Variants in ARHGEF3 observed in about 807,000 individuals in gnomAD.
ARHGEF3 encodes the protein Rho guanine nucleotide exchange factor 3.
In ARHGEF3, 28 loss-of-function variants were observed where a neutral mutation model predicts 63.2. The ratio of observed to expected loss-of-function variants is 0.44; its 90% confidence interval spans 0.33 to 0.61. The LOEUF (loss-of-function observed/expected upper bound fraction) is 0.61. Ranked by LOEUF, ARHGEF3 falls within the 20% of genes least tolerant of loss-of-function variation. ARHGEF3 has a pLI of 0.03. For missense variants in ARHGEF3, 533 were observed against 659.3 expected, an observed-to-expected ratio of 0.81 and a Z score of 2.10; for synonymous variants, 266 against 254.2, an observed-to-expected ratio of 1.05 and a Z score of -0.44.
intron 2 of ARHGEF3, among the ~76,000 whole-genome samples, chr3:56,985,589 G>A (rs1357996305): frequency 1.3e-5 from 2 of 152,210 alleles, no homozygotes; most frequent in East Asian, 3.9e-4. Flanking sequence ...CAGACAGGTG[G>A]GCAGCAGGGC....
chr3:56,822,029 A>AGAAGC (rs1455016325), intron 4 of ARHGEF3, among the ~76,000 whole-genome samples: 20 of 147,494 alleles, frequency 1.4e-4, no homozygotes, highest in African/African-American at 4.2e-4. Context: ...AGAAGAGAAG[A>AGAAGC]GAAGCGAGGA....
At chr3:57,034,129 T>G (rs548864881) in intron 2 of ARHGEF3, among the ~76,000 whole-genome samples, 1 of 152,146 alleles carries the variant, frequency 6.6e-6, no homozygotes, top group East Asian at 1.9e-4. Context: ...CTAATGTACT[T>G]ATTTATTTTA....
intron 1 of ARHGEF3, among the ~76,000 whole-genome samples, chr3:57,065,689 C>A (rs1236662012): frequency 1.3e-5 from 2 of 152,118 alleles, no homozygotes; most frequent in Non-Finnish European, 2.9e-5. Context: ...AGGCTGAGTT[C>A]CCACCCAGGC....
Position 56,975,541 on chromosome 3 carries a change from T to G in ARHGEF3, c.63-16652A>C, listed in dbSNP as rs1386242644. The stretch of plus-strand genomic sequence containing the variant: ...CTAACTCATTTTGTCCTCAAAAAAC[T>G]TTTATGAGTAGATATATTTGTTACT... On this transcript the variant is annotated intron_variant, in intron 2 of 12. Coordinates refer to the ARHGEF3 transcript ENST00000338458. 5.3e-5 allele frequency among the ~76,000 whole-genome samples: 8 copies of G among 152,340 alleles called. No homozygotes were observed. The East Asian group carries it at 1.5e-3, about 29-fold the overall frequency.
At chr3:56,944,573 T>TTTTTC (rs1699372524) in intron 3 of ARHGEF3, among the ~76,000 whole-genome samples, 1 of 141,536 alleles carries the variant, frequency 7.1e-6, no homozygotes, top group Non-Finnish European at 1.5e-5. Context: ...GGTTTCTTTT[T>TTTTTC]TTTTTTTTTT....
chr3:57,022,106 A>AAAATT (rs1703283367), intron 2 of ARHGEF3, among the ~76,000 whole-genome samples: 1 of 152,096 alleles, frequency 6.6e-6, no homozygotes, highest in Non-Finnish European at 1.5e-5. Flanking sequence ...CCTTGTTTCT[A>AAAATT]CAAAAAAATT....
Position 57,002,481 on chromosome 3 carries a change from A to ATATGT in ARHGEF3, c.62+32606_62+32607insACATA, listed in dbSNP as rs1702253803. ...TAAGCACTATATATATATATATGTT[A>ATATGT]TATATATATATATATGTTATATATA... On this transcript the variant is annotated intron_variant, in intron 2 of 12. Coordinates refer to the ARHGEF3 transcript ENST00000338458. Among the ~76,000 whole-genome samples, 29 of 19,478 alleles carry ATATGT rather than the reference A, an allele frequency of 1.5e-3. 1 individual carries two copies. Among genetic ancestry groups the ATATGT allele is most frequent in the Middle Eastern group, 0.023 (1 of 44 alleles). 12.8% of individuals were successfully genotyped at this position (19,478 alleles called of 152,430 possible). A position where few individuals can be genotyped will look rare whatever the true frequency, so the allele number is the denominator to read the frequency against.
chr3:57,059,869 G>A (rs1218498460), intron 1 of ARHGEF3, among the ~76,000 whole-genome samples: 1 of 152,066 alleles, frequency 6.6e-6, no homozygotes, highest in African/African-American at 2.4e-5. Context: ...GGTGGCACAT[G>A]CCTGTAATCC....
At chr3:56,775,076 A>T in intron 1 of ARHGEF3, 1 of 1,551,368 alleles carries the variant, frequency 6.4e-7, no homozygotes, top group Non-Finnish European at 8.7e-7. Flanking sequence ...TGATGGGCAA[A>T]GCCAAAGTAG....
At chr3:56,801,059 G>A (rs759152452) in intron 1 of ARHGEF3, among the ~76,000 whole-genome samples, 15 of 152,224 alleles carry the variant, frequency 9.9e-5, no homozygotes, top group Non-Finnish European at 1.9e-4. Flanking sequence ...AATGTTCCAA[G>A]GCAGCTTTCC....
chr3:56,735,206 C>T (rs910972311), intron 8 of ARHGEF3, among the ~76,000 whole-genome samples: 1 of 152,134 alleles, frequency 6.6e-6, no homozygotes, highest in Admixed American at 6.5e-5. Flanking sequence ...ATTGCTTGAA[C>T]CCTGGAGGTG....
At chr3:56,911,650 G>A (rs1273650855) in intron 3 of ARHGEF3, among the ~76,000 whole-genome samples, 1 of 152,024 alleles carries the variant, frequency 6.6e-6, no homozygotes, top group East Asian at 1.9e-4. Context: ...GGCGTCCTGG[G>A]CAAGCTGTAA....
At chr3:57,024,041 T>C (rs1579112338) in intron 2 of ARHGEF3, among the ~76,000 whole-genome samples, 1 of 152,220 alleles carries the variant, frequency 6.6e-6, no homozygotes, top group East Asian at 1.9e-4. Flanking sequence ...GTGTCACATC[T>C]GATGCTGCTT....
At chr3:56,870,475 G>A (rs2040401038) in intron 4 of ARHGEF3, among the ~76,000 whole-genome samples, 1 of 152,188 alleles carries the variant, frequency 6.6e-6, no homozygotes, top group East Asian at 1.9e-4. Context: ...TGAAGAAGGG[G>A]AGATGAATAG....
At chr3:56,997,548 T>C (rs1217887222) in intron 2 of ARHGEF3, among the ~76,000 whole-genome samples, 1 of 152,118 alleles carries the variant, frequency 6.6e-6, no homozygotes, top group Non-Finnish European at 1.5e-5. Flanking sequence ...AAAAGTGGGG[T>C]CTGGCAGCCT....
intron 1 of ARHGEF3, among the ~76,000 whole-genome samples, chr3:57,047,743 C>T (rs1176627149): frequency 6.6e-6 from 1 of 152,086 alleles, no homozygotes; most frequent in Non-Finnish European, 1.5e-5. Context: ...TCAATGCTGT[C>T]GATTTTGGGA....
intron 2 of ARHGEF3, among the ~76,000 whole-genome samples, chr3:56,966,241 T>G (rs1411606398): frequency 1.3e-5 from 2 of 152,148 alleles, no homozygotes; most frequent in Non-Finnish European, 2.9e-5. Context: ...CAAATATGAC[T>G]AAATGTTGGA....
intron 3 of ARHGEF3, among the ~76,000 whole-genome samples, chr3:56,896,946 T>C (rs1270280780): frequency 5.9e-5 from 9 of 152,260 alleles, no homozygotes; most frequent in Non-Finnish European, 1.5e-5. Flanking sequence ...GGAAAGTTAC[T>C]ATTTTTCTGT....
intron 2 of ARHGEF3, among the ~76,000 whole-genome samples, chr3:57,017,606 T>G (rs577627336): frequency 6.6e-6 from 1 of 152,266 alleles, no homozygotes; most frequent in South Asian, 2.1e-4. Flanking sequence ...AAACAAACCC[T>G]TCCCTGCCCC....
Sources: allele counts gnomAD v4.1 joint callset (sites outside exome capture counted in the v4.1 genomes callset), GRCh38; gene constraint gnomAD v4.1.1; transcripts MANE v1.5; gene names NCBI Gene and HGNC (gene_info 2026-07-23, HGNC 2026-07-21).